Variants in BRD10 observed in about 807,000 individuals in gnomAD.
The protein encoded by BRD10 is uncharacterized bromodomain-containing protein 10.
chr9:5,895,085 C>T, the BRD10 span, among the ~76,000 whole-genome samples: 10 of 152,158 alleles, frequency 6.6e-5, no homozygotes, highest in African/African-American at 1.7e-4. Context: ...AACCCGTATG[C>T]GTGGGAGCTA....
the BRD10 span, among the ~76,000 whole-genome samples, chr9:5,878,945 A>C: frequency 6.6e-6 from 1 of 152,206 alleles, no homozygotes; most frequent in East Asian, 1.9e-4. Context: ...ACTTGGAAGG[A>C]GATTCTGGGC....
At chr9:5,890,957 CCATAAT>C in the BRD10 span, 1 of 152,168 alleles carries the variant, frequency 6.6e-6, no homozygotes, top group African/African-American at 2.4e-5. Flanking sequence ...TGCCTTCTCG[CCATAAT>C]CATAGTCCTC....
At chr9:5,948,621 T>C in the BRD10 span, among the ~76,000 whole-genome samples, 2 of 152,018 alleles carry the variant, frequency 1.3e-5, no homozygotes, top group African/African-American at 4.8e-5. Flanking sequence ...CTAAAAGATA[T>C]TTACTTGCTC....
At chr9:5,934,885 CTAAT>C in the BRD10 span, among the ~76,000 whole-genome samples, 16 of 152,028 alleles carry the variant, frequency 1.1e-4, no homozygotes, top group Non-Finnish European at 2.4e-4. Context: ...TTTTAATAAA[CTAAT>C]TATTTGACAT....
At chr9:5,951,158 G>A in the BRD10 span, among the ~76,000 whole-genome samples, 1 of 151,658 alleles carries the variant, frequency 6.6e-6, no homozygotes, top group African/African-American at 2.4e-5. Context: ...GGAGTAGGAT[G>A]ATTATTTTCT....
the BRD10 span, among the ~76,000 whole-genome samples, chr9:5,985,492 T>C: frequency 6.6e-6 from 1 of 152,072 alleles, no homozygotes; most frequent in African/African-American, 2.4e-5. Context: ...CCAGAATACA[T>C]AAAGAATTCT....
At chr9:5,943,493 G>C in the BRD10 span, among the ~76,000 whole-genome samples, 3 of 148,570 alleles carry the variant, frequency 2.0e-5, no homozygotes, top group African/African-American at 7.5e-5. Flanking sequence ...ATTTTAAAAA[G>C]ACTATTCCTT....
chr9:5,884,576 G>T, the BRD10 span, among the ~76,000 whole-genome samples: 1 of 152,264 alleles, frequency 6.6e-6, no homozygotes, highest in African/African-American at 2.4e-5. Context: ...TTCATCTCAT[G>T]CCTATGAAGG....
the BRD10 span, among the ~76,000 whole-genome samples, chr9:5,894,239 T>C: frequency 6.6e-6 from 1 of 152,126 alleles, no homozygotes; most frequent in African/African-American, 2.4e-5. This position sits in a 1 kb window ranked among gnomAD's most constrained non-coding sequence, Gnocchi z 4.0. Flanking sequence ...GGGAACCTCA[T>C]AGCCAGGTGT....
the BRD10 span, among the ~76,000 whole-genome samples, chr9:6,004,533 G>C: frequency 6.6e-6 from 1 of 152,292 alleles, no homozygotes; most frequent in East Asian, 1.9e-4. Context: ...TCACTAGAAA[G>C]CTCAGCAGTA....
At chr9:5,930,268 C>G in the BRD10 span, among the ~76,000 whole-genome samples, 4 of 151,066 alleles carry the variant, frequency 2.6e-5, no homozygotes, top group African/African-American at 9.7e-5. Context: ...CTGTTGAGTC[C>G]ATTTGCATAT....
the BRD10 span, among the ~76,000 whole-genome samples, chr9:5,895,515 A>G: frequency 6.6e-6 from 1 of 152,222 alleles, no homozygotes; most frequent in Non-Finnish European, 1.5e-5. Context: ...TGGAATGAAG[A>G]AGAATGATGC....
At chr9:5,965,588 T>C in the BRD10 span, among the ~76,000 whole-genome samples, 1 of 152,212 alleles carries the variant, frequency 6.6e-6, no homozygotes, top group Non-Finnish European at 1.5e-5. Flanking sequence ...GGATATTACT[T>C]AACCTAAGCC....
At chr9:6,008,194 G>T in the BRD10 span, 1 of 974,518 alleles carries the variant, frequency 1.0e-6, no homozygotes, top group East Asian at 1.1e-4. Context: ...GAGGAGGAAG[G>T]GGGTTCTCCT....
At chr9:5,988,683 T>A in the BRD10 span, 10 of 639,796 alleles carry the variant, frequency 1.6e-5, no homozygotes, top group Non-Finnish European at 2.7e-5. Context: ...TGTTCTAACT[T>A]TTTATCCTCC....
chr9:6,003,092 T>A, the BRD10 span, among the ~76,000 whole-genome samples: 2 of 152,142 alleles, frequency 1.3e-5, no homozygotes, highest in Non-Finnish European at 2.9e-5. Context: ...TTTTATCCCA[T>A]ACATGTACCA....
At chr9:5,950,645 A>G in the BRD10 span, among the ~76,000 whole-genome samples, 1 of 152,182 alleles carries the variant, frequency 6.6e-6, no homozygotes, top group African/African-American at 2.4e-5. Context: ...TTTGAGAACC[A>G]CTGACATAAC....
At chr9:5,988,101 A>G in the BRD10 span, among the ~76,000 whole-genome samples, 1 of 152,374 alleles carries the variant, frequency 6.6e-6, no homozygotes, top group South Asian at 2.1e-4. Flanking sequence ...TTGAGAATGA[A>G]TACTACTAGA....
chr9:5,970,943 T>C, the BRD10 span, among the ~76,000 whole-genome samples: 3 of 148,776 alleles, frequency 2.0e-5, no homozygotes, highest in Non-Finnish European at 3.0e-5. Flanking sequence ...TCCCAGCTAC[T>C]AGGGAGGCTG....
Sources: gnomAD v4.1 joint callset for allele counts (sites outside exome capture counted in the v4.1 genomes callset) on GRCh38, gnomAD v4.1.1 for gene constraint, Gnocchi (gnomAD v3.1) non-coding constraint, MANE v1.5 for transcripts, NCBI Gene and HGNC (gene_info 2026-07-23, HGNC 2026-07-21) for gene names.